Variants in WWOX observed in about 807,000 individuals in gnomAD.
WWOX encodes the protein WW domain-containing oxidoreductase.
A neutral mutation model predicts 46.2 loss-of-function variants in WWOX; 69 were observed. The observed-to-expected ratio is 1.49, with a 90% CI of 1.23 to 1.82. The LOEUF is 1.82. Ranked by LOEUF, WWOX falls within the 40% of genes most tolerant of loss-of-function variation. WWOX has a pLI of 0.00. For missense variants in WWOX, 919 were observed against 542.6 expected (o/e 1.69, Z -6.89); for synonymous variants, 359 against 202.6 (o/e 1.77, Z -6.56).
chr16:79,110,442 G>C (rs1567556700), intron 8 of WWOX, among the ~76,000 whole-genome samples: 1 of 152,138 alleles, frequency 6.6e-6, no homozygotes, highest in Non-Finnish European at 1.5e-5. Flanking sequence ...CCTGCCTCCA[G>C]CTGTGTAGCT....
intron 8 of WWOX, among the ~76,000 whole-genome samples, chr16:79,199,897 C>T (rs2051313742): frequency 1.3e-5 from 2 of 152,162 alleles, no homozygotes; most frequent in Admixed American, 6.5e-5. Flanking sequence ...AGCCAGAGGG[C>T]AGGGGCAGGG....
At chr16:78,174,450 C>T (rs930127560) in intron 5 of WWOX, among the ~76,000 whole-genome samples, 2 of 152,128 alleles carry the variant, frequency 1.3e-5, no homozygotes, top group Non-Finnish European at 2.9e-5. Context: ...GTTGAGATTT[C>T]GGTGGGGCGC....
At chr16:79,195,310 C>T (rs1396240501) in intron 8 of WWOX, among the ~76,000 whole-genome samples, 1 of 152,048 alleles carries the variant, frequency 6.6e-6, no homozygotes, top group Non-Finnish European at 1.5e-5. Flanking sequence ...TTGAGCTGTG[C>T]TGTGGGAGAT....
rs151259654 is a variant in WWOX at position 78,581,414 on chromosome 16, A to T, written c.1056+148662A>T. On this transcript the variant is annotated intron_variant, in intron 8 of 8. Coordinates refer to ENST00000566780, the MANE Select transcript of WWOX (RefSeq NM_016373.4). ...TGAGCCTTAAATCTGGGTTGGAAAA[A>T]CTAACAGGAACTGGTTTTATTTTAA... 5.1e-3 allele frequency among the ~76,000 whole-genome samples: 778 copies of T among 152,278 alleles called. 7 individuals carry two copies. Among genetic ancestry groups the T allele is most frequent in the African/African-American group, 0.018 (735 of 41,554 alleles).
chr16:78,951,415 G>T (rs568354475), intron 8 of WWOX, among the ~76,000 whole-genome samples: 1 of 152,084 alleles, frequency 6.6e-6, no homozygotes, highest in Non-Finnish European at 1.5e-5. Flanking sequence ...GCCAATCACC[G>T]TCTTTCTGTC....
intron 8 of WWOX, among the ~76,000 whole-genome samples, chr16:78,620,809 A>G (rs977433452): frequency 1.3e-5 from 2 of 152,142 alleles, no homozygotes; most frequent in African/African-American, 4.8e-5. Context: ...TACTATAAAG[A>G]CATACTTTTG....
At chr16:78,635,952 A>G (rs980099337) in intron 8 of WWOX, among the ~76,000 whole-genome samples, 1 of 152,232 alleles carries the variant, frequency 6.6e-6, no homozygotes, top group Non-Finnish European at 1.5e-5. Context: ...GTGGAAGTAC[A>G]GAGGAAGCCT....
chr16:78,917,562 C>G (rs2045281311), intron 8 of WWOX, among the ~76,000 whole-genome samples: 1 of 152,016 alleles, frequency 6.6e-6, no homozygotes, highest in South Asian at 2.1e-4. Context: ...AACCCCCAAC[C>G]ACTGTCACTG....
At chr16:78,567,552 C>CAAA (rs71272440) in intron 8 of WWOX, among the ~76,000 whole-genome samples, 1,440 of 51,192 alleles carry the variant, frequency 0.028, 78 homozygotes, top group East Asian at 0.11. Context: ...GACTCCGTCT[C>CAAA]AAAAAAAAAA....
chr16:78,387,018 A>G, intron 6 of WWOX, 70 bp downstream of exon 6: 6 of 1,451,368 alleles, frequency 4.1e-6, no homozygotes, highest in Non-Finnish European at 5.8e-6. Flanking sequence ...AGATGAACAC[A>G]ATTGGGAGAA....
At chr16:78,842,875 C>G (rs577133885) in intron 8 of WWOX, among the ~76,000 whole-genome samples, 1 of 149,544 alleles carries the variant, frequency 6.7e-6, no homozygotes, top group South Asian at 2.2e-4. Flanking sequence ...AAATAGAATA[C>G]AAGGGGGGAT....
intron 5 of WWOX, among the ~76,000 whole-genome samples, chr16:78,213,730 G>C (rs767744427): frequency 1.2e-4 from 18 of 152,122 alleles, no homozygotes; most frequent in African/African-American, 3.6e-4. Flanking sequence ...AAATACCAGG[G>C]AGATGTAATT....
intron 8 of WWOX, among the ~76,000 whole-genome samples, chr16:78,636,668 T>G (rs2046579186): frequency 6.6e-6 from 1 of 152,154 alleles, no homozygotes; most frequent in Non-Finnish European, 1.5e-5. Context: ...TAAGAGGGCC[T>G]GAAAGGTAAG....
chr16:78,589,810 C>T (rs2045308581), intron 8 of WWOX, among the ~76,000 whole-genome samples: 2 of 152,070 alleles, frequency 1.3e-5, no homozygotes, highest in South Asian at 2.1e-4. Context: ...TTTTTTCTCC[C>T]TTCTGTAGAA....
intron 6 of WWOX, among the ~76,000 whole-genome samples, chr16:78,397,449 C>G (rs1263150296): frequency 6.6e-6 from 1 of 152,142 alleles, no homozygotes; most frequent in African/African-American, 2.4e-5. Flanking sequence ...CAATGATTAA[C>G]CACATTTTAC....
intron 8 of WWOX, among the ~76,000 whole-genome samples, chr16:78,887,468 AACACAC>A (rs78503110): frequency 0.33 from 45,035 of 135,764 alleles, 7,748 homozygotes; most frequent in East Asian, 0.51. Context: ...AAGTATATAA[AACACAC>A]ACACACACAC....
At chr16:79,033,670 A>G (rs920043333) in intron 8 of WWOX, among the ~76,000 whole-genome samples, 1 of 152,190 alleles carries the variant, frequency 6.6e-6, no homozygotes, top group Non-Finnish European at 1.5e-5. Flanking sequence ...AATGATTTTC[A>G]TCGTGCAAAA....
At chr16:78,745,957 C>G (rs1345758340) in intron 8 of WWOX, among the ~76,000 whole-genome samples, 1 of 152,140 alleles carries the variant, frequency 6.6e-6, no homozygotes, top group Non-Finnish European at 1.5e-5. Flanking sequence ...CTGACTCCAG[C>G]TGCTATGAAC....
At chr16:78,780,304 G>GGGTAC (rs2050291854) in intron 8 of WWOX, 1 of 152,152 alleles carries the variant, frequency 6.6e-6, no homozygotes, top group African/African-American at 2.4e-5. Context: ...AGAAGCTTAA[G>GGGTAC]GGTACATTCA....
Sources: gnomAD v4.1 joint callset for allele counts (sites outside exome capture counted in the v4.1 genomes callset) on GRCh38, gnomAD v4.1.1 for gene constraint, MANE v1.5 for transcripts, NCBI Gene and HGNC (gene_info 2026-07-23, HGNC 2026-07-21) for gene names.